The following ARSK variants were observed in gnomAD, a reference collection of about 807,000 sequenced individuals.
The protein encoded by ARSK is arylsulfatase family member K, also known as arylsulfatase K.
Under a neutral mutation model 53.2 loss-of-function variants are expected in ARSK, and 37 were observed. The observed-to-expected ratio is 0.70, with a 90% confidence interval of 0.54 to 0.92. ARSK has a LOEUF of 0.92. Among genes scored for constraint, ARSK ranks in the 40% least tolerant of loss-of-function variants. The pLI, the probability that ARSK is intolerant of heterozygous loss-of-function variation, is 0.00. For synonymous variants in ARSK, 208 were observed against 223.2 expected (o/e 0.93, Z 0.61); for missense variants, 613 against 643.0 (o/e 0.95, Z 0.51).
chr5:95,601,006 T>C lies in ARSK; in HGVS notation c.1256T>C (p.Leu419Pro). ...GCNVNASTYMLRTNHWKYIAY... is the reference protein window; with the variant it reads ...GCNVNASTYMPRTNHWKYIAY... ...AATGTGAATGCCTCCACCTACATGC[T>C]TCGAACTAACCACTGGAAATATATA... is the stretch of plus-strand genomic sequence containing the variant. Residue 419 changes from leucine to proline, a missense_variant, in exon 7 of 8, where the codon CTT (leucine) becomes CCT (proline). Physicochemically the swap from Leu to Pro is moderately conservative, Grantham distance 98 (BLOSUM62 -3). Coordinates refer to ENST00000380009, the MANE Select transcript of ARSK (RefSeq NM_198150.3). 1 of 1,614,098 alleles carries C rather than the reference T, an allele frequency of 6.2e-7. No homozygotes were observed. The highest frequency in any genetic ancestry group is 8.5e-7 in the Non-Finnish European group (1 of 1,179,956).
At chr5:95,579,839 T>G (rs1748992722) in intron 3 of ARSK, among the ~76,000 whole-genome samples, 2 of 152,220 alleles carry the variant, frequency 1.3e-5, no homozygotes, top group Admixed American at 1.3e-4. Context: ...ACAATCTTCT[T>G]CAAGATAGGT....
intron 3 of ARSK, among the ~76,000 whole-genome samples, chr5:95,571,699 T>C (rs17084909): frequency 0.046 from 6,931 of 152,296 alleles, 208 homozygotes; most frequent in East Asian, 0.11. Flanking sequence ...CATGTTTTCA[T>C]TTACTCACAC....
chr5:95,571,842 TTA>T (rs370478598), intron 3 of ARSK, among the ~76,000 whole-genome samples: 10 of 152,302 alleles, frequency 6.6e-5, no homozygotes, highest in African/African-American at 2.4e-4. Flanking sequence ...GTTATATGAA[TTA>T]TATAGCACAT....
rs1198170579 is a variant in ARSK at position 95,567,960 on chromosome 5, T to C, written c.327T>C (p.Tyr109=). The C allele has an allele frequency of 4.3e-6, 7 of 1,613,854 alleles. No homozygotes were observed. The highest frequency in any genetic ancestry group is 1.1e-5 in the South Asian group (1 of 91,062). Residue 109 remains tyrosine (Y), a synonymous_variant, in exon 3 of 8, where the codon TAT becomes TAC. Coordinates refer to ENST00000380009, the MANE Select transcript of ARSK (RefSeq NM_198150.3). The stretch of plus-strand genomic sequence containing the variant: ...ATTTTAAGGGTCTAGATCCAAATTA[T>C]ACAACATGGATGGATGTCATGGAGA... The part of the protein sequence containing the change: ...WNNFKGLDPN[Y]TTWMDVMERH...
At chr5:95,575,325 C>G (rs570011144) in intron 3 of ARSK, among the ~76,000 whole-genome samples, 2 of 151,940 alleles carry the variant, frequency 1.3e-5, no homozygotes, top group South Asian at 4.2e-4. Flanking sequence ...TTGGACTACG[C>G]TGGGTTGTTT....
intron 7 of ARSK, among the ~76,000 whole-genome samples, chr5:95,602,138 T>C (rs773404180): frequency 1.6e-4 from 24 of 152,152 alleles, no homozygotes; most frequent in Non-Finnish European, 2.4e-4. Context: ...AAAGTAACAC[T>C]ATAATGACGA....
At chr5:95,600,510 G>A (rs1749383476) in intron 6 of ARSK, 1 of 407,448 alleles carries the variant, frequency 2.5e-6, no homozygotes, top group East Asian at 6.4e-5. Context: ...TTTGTTGAAG[G>A]CTCCTATCTG....
At chr5:95,584,804 A>G (rs1431242060) in intron 4 of ARSK, among the ~76,000 whole-genome samples, 1 of 152,222 alleles carries the variant, frequency 6.6e-6, no homozygotes, top group Non-Finnish European at 1.5e-5. Context: ...TGAGGTCAGG[A>G]GTTCGAGACC....
chr5:95,594,974 T>G (rs1469514150), intron 6 of ARSK, among the ~76,000 whole-genome samples: 1 of 152,234 alleles, frequency 6.6e-6, no homozygotes, highest in African/African-American at 2.4e-5. Context: ...CGTTTTGACC[T>G]AGAAATCCTA....
intron 1 of ARSK, among the ~76,000 whole-genome samples, chr5:95,563,817 T>C (rs998724297): frequency 6.6e-6 from 1 of 152,096 alleles, no homozygotes; most frequent in Non-Finnish European, 1.5e-5. Context: ...TAAGCCTGGG[T>C]TGTCTAGATT....
At chr5:95,587,845 G>T (rs1580227238) in intron 5 of ARSK, among the ~76,000 whole-genome samples, 1 of 151,254 alleles carries the variant, frequency 6.6e-6, no homozygotes, top group East Asian at 1.9e-4. Flanking sequence ...GGCAGAGGTT[G>T]CAGTGAGTGG....
rs1484181240 is a variant in ARSK at position 95,600,679 on chromosome 5, G to T, written c.1097-168G>T. ...TTACTTGCTGAAGTCCACATGGCCA[G>T]TGGGGTAAGCATGTGAATTTTGGCA... On this transcript the variant is annotated intron_variant, in intron 6 of 7. Transcript: ENST00000380009. The T allele has an allele frequency of 5.5e-6, 4 of 732,726 alleles. No individual in the cohort carries two copies. The Admixed American group carries it at 6.0e-5, about 11-fold the overall frequency. 45.4% of individuals were successfully genotyped at this position (732,726 alleles called of 1,614,324 possible). A position where few individuals can be genotyped will look rare whatever the true frequency, so the allele number is the denominator to read the frequency against.
intron 3 of ARSK, among the ~76,000 whole-genome samples, chr5:95,578,647 A>C (rs1458242359): frequency 6.6e-6 from 1 of 152,232 alleles, no homozygotes; most frequent in Non-Finnish European, 1.5e-5. Context: ...GAGAGAGATC[A>C]CAGAATTCTA....
At chr5:95,570,283 A>G (rs1748803781) in intron 3 of ARSK, among the ~76,000 whole-genome samples, 1 of 152,146 alleles carries the variant, frequency 6.6e-6, no homozygotes, top group East Asian at 1.9e-4. Context: ...CTCAGTATGC[A>G]CCTGGTCTTT....
chr5:95,573,485 A>G (rs1748869496), intron 3 of ARSK, among the ~76,000 whole-genome samples: 1 of 152,194 alleles, frequency 6.6e-6, no homozygotes, highest in South Asian at 2.1e-4. Context: ...TGTGCCAGAC[A>G]TTATTTTTAG....
intron 3 of ARSK, among the ~76,000 whole-genome samples, chr5:95,569,811 C>T (rs1288230760): frequency 1.3e-5 from 2 of 148,744 alleles, no homozygotes; most frequent in African/African-American, 2.6e-5. Context: ...ATAATCTGAA[C>T]ATTAAAATTG....
intron 1 of ARSK, among the ~76,000 whole-genome samples, chr5:95,561,715 G>C (rs1748638526): frequency 6.6e-6 from 1 of 152,190 alleles, no homozygotes; most frequent in South Asian, 2.1e-4. Context: ...CGGAAAGTAG[G>C]TTAGTGGTTG....
chr5:95,557,671 T>G (rs1748548633), intron 1 of ARSK, among the ~76,000 whole-genome samples: 1 of 152,234 alleles, frequency 6.6e-6, no homozygotes. Flanking sequence ...GCTGTTAGAT[T>G]CTTGACACTG....
chr5:95,600,981 A>G lies in ARSK; in HGVS notation c.1231A>G (p.Asn411Asp). The G allele has an allele frequency of 6.8e-6, 11 of 1,614,142 alleles. No homozygotes were observed. Among genetic ancestry groups the G allele is most frequent in the Non-Finnish European group, 9.3e-6 (11 of 1,179,958 alleles). ...PWILSEFHGC[N>D]VNASTYMLRT... is the part of the protein sequence containing the mutation. ...GATTCTGAGTGAATTCCATGGATGT[A>G]ATGTGAATGCCTCCACCTACATGCT... Residue 411 changes from asparagine (N) to aspartate (D), a missense_variant, in exon 7 of 8, where the codon AAT becomes GAT. Asn to Asp is a conservative substitution (Grantham distance 23, BLOSUM62 1). Coordinates refer to ENST00000380009, the MANE Select transcript of ARSK (RefSeq NM_198150.3).
Sources: gnomAD v4.1 joint callset for allele counts (sites outside exome capture counted in the v4.1 genomes callset) on GRCh38, gnomAD v4.1.1 for gene constraint, MANE v1.5 for transcripts, NCBI Gene and HGNC (gene_info 2026-07-23, HGNC 2026-07-21) for gene names.